NADK: variants seen among roughly 807,000 people sequenced by gnomAD.
NADK encodes poly(P)/ATP NAD kinase.
NADK carries 22 observed loss-of-function variants against 49.8 expected under a neutral mutation model. That is an observed-to-expected ratio of 0.44 (90% CI 0.32 to 0.63). The LOEUF (loss-of-function observed/expected upper bound fraction) is 0.63. Among genes scored for constraint, NADK ranks in the 30% least tolerant of loss-of-function variants. NADK has a pLI of 0.06. For synonymous variants in NADK, 268 were observed against 253.7 expected, an observed-to-expected ratio of 1.06 and a Z score of -0.54; for missense variants, 438 against 609.4, an observed-to-expected ratio of 0.72 and a Z score of 2.96.
Position 1,754,023 on chromosome 1 carries a change from C to G in NADK, c.1101+28G>C. On this transcript the variant is annotated intron_variant, in intron 10 of 11. Transcript: ENST00000341426. This position sits in a 1 kb window ranked among gnomAD's most constrained non-coding sequence, Gnocchi z 4.3. ...TGCACGGGGTCAAATGACTCACAAA[C>G]CGGAAAAGGAGTGTCGTTGGCTCTG... 1.3e-6 allele frequency: 2 copies of G among 1,545,502 alleles called. No individual in the cohort carries two copies. The highest frequency in any genetic ancestry group is 1.7e-6 in the Non-Finnish European group (2 of 1,147,166).
intron 2 of NADK, 72 bp from the exon 3 acceptor site, chr1:1,762,107 A>T: frequency 1.5e-6 from 2 of 1,327,744 alleles, no homozygotes; most frequent in Non-Finnish European, 2.2e-6. Context: ...ACAGATACAG[A>T]GGAGGTTACA....
rs758834821 is a variant in NADK at position 1,759,175 on chromosome 1, G to C, written c.264-1865C>G. 67 of 1,567,214 alleles carry C rather than the reference G, an allele frequency of 4.3e-5. No homozygotes were observed. The African/African-American group carries it at 6.9e-4, about 16-fold the overall frequency. ...AGCCAGAGCCACCAGCAGCGGCGTC[G>C]TACACCGGCCCAGGCACCCACCGCT... On this transcript the variant is annotated intron_variant, in intron 3 of 11. Coordinates refer to ENST00000341426, the MANE Select transcript of NADK (RefSeq NM_023018.5).
At chr1:1,758,598 AAC>A in intron 3 of NADK, 1 of 1,494,288 alleles carries the variant, frequency 6.7e-7, no homozygotes, top group South Asian at 1.4e-5. Context: ...CTCAAAGCAA[AAC>A]ACAATTGTGA....
intron 4 of NADK, 28 bp downstream of exon 4, chr1:1,757,149 CCCCA>C: frequency 3.0e-6 from 3 of 1,007,198 alleles, no homozygotes; most frequent in Non-Finnish European, 4.4e-6. Context: ...TCCATGTGCA[CCCCA>C]GGCCCCCTTC....
intron 1 of NADK, among the ~76,000 whole-genome samples, chr1:1,776,698 G>A (rs547878163): frequency 1.2e-3 from 182 of 146,210 alleles, no homozygotes; most frequent in Non-Finnish European, 2.0e-3. Flanking sequence ...ACTTGAACCC[G>A]GGAGGTGGAG....
At position 1,753,047 on chromosome 1, in the gene NADK, T is replaced by C; in HGVS notation, c.1198A>G (p.Thr400Ala). Reference sequence around the variant, plus strand: ...ATGGAGGGGAGCGGGTAGCATGAGGTAGTGATGCTGATGCTGGGACGGGAG... The same window carrying C: ...ATGGAGGGGAGCGGGTAGCATGAGGCAGTGATGCTGATGCTGGGACGGGAG... The part of the protein sequence containing the change: ...IRHGDSISIT[T>A]SCYPLPSICV... The change falls in exon 12 of 12, where the codon ACC becomes GCC. Residue 400 changes from threonine (T) to alanine (A), a missense_variant. Physicochemically the swap from Thr to Ala is moderately conservative, Grantham distance 58 (BLOSUM62 0). Transcript: ENST00000341426. 6.2e-7 allele frequency: 1 copy of C among 1,609,590 alleles called. No individual in the cohort carries two copies. The highest frequency in any genetic ancestry group is 8.5e-7 in the Non-Finnish European group (1 of 1,178,074).
intron 1 of NADK, among the ~76,000 whole-genome samples, chr1:1,771,366 C>G (rs1646047542): frequency 6.6e-6 from 1 of 152,024 alleles, no homozygotes. Flanking sequence ...AAAAGCCAAG[C>G]AGGCTTCTCT....
chr1:1,756,992 TG>T, intron 4 of NADK, 188 bp downstream of exon 4: 1 of 976,442 alleles, frequency 1.0e-6, no homozygotes, highest in Non-Finnish European at 1.6e-6. Context: ...TCACCCAGTC[TG>T]GTGCTTGCCA....
intron 6 of NADK, among the ~76,000 whole-genome samples, chr1:1,755,693 C>A (rs940435426): frequency 2.6e-5 from 4 of 152,046 alleles, no homozygotes; most frequent in Non-Finnish European, 4.4e-5. Context: ...TGGTGAGGAA[C>A]AAAGGTGGCA....
chr1:1,778,063 G>T lies in NADK; in HGVS notation c.-41+226C>A, dbSNP rs1284192618. Among the ~76,000 whole-genome samples the T allele has an allele frequency of 1.3e-5, 2 of 152,176 alleles. No individual in the cohort carries two copies. Among genetic ancestry groups the T allele is most frequent in the African/African-American group, 2.4e-5 (1 of 41,462 alleles). ...CCGCCCGGGAGAGCCAGGCCGGACA[G>T]CGGCCTCCCTCAGACCCGTCCCCAA... On this transcript the variant is annotated intron_variant, in intron 1 of 11. Transcript: ENST00000341426. This position sits in a 1 kb window ranked among gnomAD's most constrained non-coding sequence, Gnocchi z 4.9.
intron 1 of NADK, among the ~76,000 whole-genome samples, chr1:1,773,247 C>A (rs1490212687): frequency 6.6e-6 from 1 of 151,070 alleles, no homozygotes; most frequent in Non-Finnish European, 1.5e-5. Context: ...TCAAGCAATT[C>A]TCCTGCCTCA....
At chr1:1,758,302 C>T in intron 3 of NADK, 2 of 1,530,706 alleles carry the variant, frequency 1.3e-6, no homozygotes, top group Admixed American at 1.9e-5. Flanking sequence ...ACGCCGATGG[C>T]AGCCACAGGG....
rs201284547 is a variant in NADK at position 1,756,390 on chromosome 1, C to T, written c.500-47G>A. The T allele has an allele frequency of 5.0e-6, 8 of 1,604,156 alleles. No individual in the cohort carries two copies. The Admixed American group carries it at 1.2e-4, about 23-fold the overall frequency. ...CAAGAAGAGGCTGTCACACAGTGGC[C>T]CCTCTGTGGCGCAGTGCGCAGACAC... is the stretch of plus-strand genomic sequence containing the variant. On this transcript the variant is annotated intron_variant, in intron 5 of 11. Transcript: ENST00000341426.
In NADK at chr1:1,753,477, G is replaced by GT. The variant is rs1645397718; in HGVS notation, c.1184+89dup. ...CCTGTGGTGCCCTAGGGGACAAGCTGTGTCTACAGGCCAACCGCAAGAGGG... is the reference window on the plus strand; with the variant it reads ...CCTGTGGTGCCCTAGGGGACAAGCTGTTGTCTACAGGCCAACCGCAAGAGGG... On this transcript the variant is annotated intron_variant, in intron 11 of 11. Transcript: ENST00000341426. The GT allele has an allele frequency of 4.7e-6, 5 of 1,064,890 alleles. No homozygotes were observed. The East Asian group carries it at 1.3e-4, about 27-fold the overall frequency. 66.0% of individuals were successfully genotyped at this position (1,064,890 alleles called of 1,614,324 possible).
At chr1:1,765,719 C>T (rs1243327403) in intron 1 of NADK, among the ~76,000 whole-genome samples, 1 of 152,036 alleles carries the variant, frequency 6.6e-6, no homozygotes, top group East Asian at 1.9e-4. Flanking sequence ...CGAAACCAGC[C>T]TCGCCTGACC....
At chr1:1,759,115 T>A (rs1645630573) in intron 3 of NADK, 1 of 1,551,426 alleles carries the variant, frequency 6.4e-7, no homozygotes, top group Admixed American at 2.0e-5. Context: ...TGGCCTGGCC[T>A]ACACCCATTC....
intron 1 of NADK, among the ~76,000 whole-genome samples, chr1:1,773,717 T>TGAGAGAGAGAGA (rs1251106836): frequency 1.4e-5 from 2 of 137,948 alleles, no homozygotes; most frequent in Non-Finnish European, 3.2e-5. Context: ...TGTGTGTGTG[T>TGAGAGAGAGAGA]GTGTGTGTGT....
Position 1,754,988 on chromosome 1 carries a change from A to ATT in NADK, c.689-292_689-291dup. ...GGGTGCGCACCACCACGCCCAGCTA[A>ATT]TTTTTGTATTTTTAGTAGAGACGGG... On this transcript the variant is annotated intron_variant, in intron 7 of 11. Coordinates refer to ENST00000341426, the MANE Select transcript of NADK (RefSeq NM_023018.5). The surrounding 1 kb of genome is among the most constrained non-coding windows in gnomAD (Gnocchi z 4.3). 2.5e-6 allele frequency: 1 copy of ATT among 405,618 alleles called. No individual in the cohort carries two copies. The highest frequency in any genetic ancestry group is 4.4e-6 in the Non-Finnish European group (1 of 225,304). 25.1% of individuals were successfully genotyped at this position (405,618 alleles called of 1,614,324 possible).
chr1:1,754,304 A>G lies in NADK; in HGVS notation c.923T>C (p.Ile308Thr). The G allele has an allele frequency of 6.2e-7, 1 of 1,613,784 alleles. No individual in the cohort carries two copies. The highest frequency in any genetic ancestry group is 8.5e-7 in the Non-Finnish European group (1 of 1,179,938). Residue 308 changes from isoleucine to threonine, a missense_variant, in exon 9 of 12, where the codon ATC becomes ACC. Transcript: ENST00000341426. The surrounding 1 kb of genome is among the most constrained non-coding windows in gnomAD (Gnocchi z 4.3). Reference sequence around the variant, plus strand: ...CTTACCGTCGCCCTGCACCGTGGTGATGAGGTGTCCGTCCAGGTAGACATC... The same window carrying G: ...CTTACCGTCGCCCTGCACCGTGGTGGTGAGGTGTCCGTCCAGGTAGACATC... ...NVDVYLDGHL[I>T]TTVQGDGVIV...
Sources: allele counts gnomAD v4.1 joint callset (sites outside exome capture counted in the v4.1 genomes callset), GRCh38; gene constraint gnomAD v4.1.1; non-coding constraint Gnocchi (gnomAD v3.1); transcripts MANE v1.5; gene names NCBI Gene and HGNC (gene_info 2026-07-23, HGNC 2026-07-21).